PDZRN4: variants seen among roughly 807,000 people sequenced by gnomAD.
PDZRN4 encodes the protein PDZ domain containing ring finger 4, also known as PDZ domain-containing RING finger protein 4.
In PDZRN4, 70 loss-of-function variants were observed where a neutral mutation model predicts 99.0. The observed-to-expected ratio is 0.71, with a 90% CI of 0.58 to 0.86. The LOEUF is 0.86. Ranked by LOEUF, PDZRN4 falls within the 40% of genes least tolerant of loss-of-function variation. PDZRN4 has a pLI of 0.00. For missense variants in PDZRN4, 1,474 were observed against 1,331.2 expected (o/e 1.11, Z -1.67); for synonymous variants, 551 against 501.6 (o/e 1.10, Z -1.32).
chr12:41,388,121 G>C (rs1056019486), intron 3 of PDZRN4, among the ~76,000 whole-genome samples: 1 of 152,102 alleles, frequency 6.6e-6, no homozygotes, highest in African/African-American at 2.4e-5. Flanking sequence ...TCCTTTGCAG[G>C]GATATGGGTG....
Position 41,550,643 on chromosome 12 carries a change from G to A in PDZRN4, c.1204-2013G>A, listed in dbSNP as rs116993624. 1.7e-3 allele frequency among the ~76,000 whole-genome samples: 252 copies of A among 152,154 alleles called. 3 individuals are homozygous for A. The South Asian group carries it at 0.034, about 21-fold the overall frequency. Reference sequence around the variant, plus strand: ...GCAGCCTACACTATAACCTTCTTAAGCACTATAATATAGAGTATCTTTGTC... The same window carrying A: ...GCAGCCTACACTATAACCTTCTTAAACACTATAATATAGAGTATCTTTGTC... On this transcript the variant is annotated intron_variant, in intron 5 of 9. Transcript: ENST00000402685.
chr12:41,389,315 C>A (rs1952193261), intron 3 of PDZRN4, among the ~76,000 whole-genome samples: 2 of 152,012 alleles, frequency 1.3e-5, no homozygotes, highest in Admixed American at 6.6e-5. Flanking sequence ...AAAAACACAT[C>A]CTGTTTTATC....
At chr12:41,270,273 TGTCTGTGTGTGTG>T (rs1427996584) in intron 3 of PDZRN4, among the ~76,000 whole-genome samples, 1 of 129,352 alleles carries the variant, frequency 7.7e-6, no homozygotes, top group Non-Finnish European at 1.7e-5. Flanking sequence ...TGTGTGTGTG[TGTCTGTGTGTGTG>T]GTGTGTGTGT....
At chr12:41,504,768 T>A (rs2120669404) in intron 3 of PDZRN4, among the ~76,000 whole-genome samples, 1 of 152,152 alleles carries the variant, frequency 6.6e-6, no homozygotes, top group African/African-American at 2.4e-5. Context: ...GAAAACTCAG[T>A]GATAATTTTT....
At chr12:41,251,579 G>C (rs564302207) in intron 3 of PDZRN4, among the ~76,000 whole-genome samples, 1 of 152,234 alleles carries the variant, frequency 6.6e-6, no homozygotes, top group Non-Finnish European at 1.5e-5. Flanking sequence ...GTTCAGACAT[G>C]TTATAAAAAG....
At chr12:41,360,998 G>A (rs1017054954) in intron 3 of PDZRN4, among the ~76,000 whole-genome samples, 1 of 151,044 alleles carries the variant, frequency 6.6e-6, no homozygotes. Flanking sequence ...ACATACACAT[G>A]TACATACATG....
intron 3 of PDZRN4, among the ~76,000 whole-genome samples, chr12:41,215,851 GT>G (rs11417657): frequency 3.2e-4 from 47 of 148,868 alleles, no homozygotes; most frequent in Non-Finnish European, 4.2e-4. Context: ...AGCCTCCATA[GT>G]TTTTTTTTTT....
At chr12:41,213,130 G>T (rs1566364717) in intron 3 of PDZRN4, among the ~76,000 whole-genome samples, 1 of 151,912 alleles carries the variant, frequency 6.6e-6, no homozygotes, top group African/African-American at 2.4e-5. Flanking sequence ...TTTATAAATC[G>T]GGTTTTCTTT....
intron 8 of PDZRN4, among the ~76,000 whole-genome samples, chr12:41,567,361 G>T (rs1939392030): frequency 6.6e-6 from 1 of 152,134 alleles, no homozygotes; most frequent in Non-Finnish European, 1.5e-5. Context: ...GGGGAACTTT[G>T]TGTGCAGTCT....
chr12:41,343,943 A>T (rs1030180565), intron 3 of PDZRN4, among the ~76,000 whole-genome samples: 4 of 152,216 alleles, frequency 2.6e-5, no homozygotes, highest in African/African-American at 9.6e-5. Flanking sequence ...TGGCAGTCTT[A>T]TGGTATATTA....
At chr12:41,334,091 C>T (rs1332413541) in intron 3 of PDZRN4, among the ~76,000 whole-genome samples, 2 of 152,094 alleles carry the variant, frequency 1.3e-5, no homozygotes, top group Admixed American at 1.3e-4. Flanking sequence ...ATGCACGCCT[C>T]TTGGGCAAAG....
At chr12:41,281,820 C>T (rs1469391436) in intron 3 of PDZRN4, among the ~76,000 whole-genome samples, 1 of 151,268 alleles carries the variant, frequency 6.6e-6, no homozygotes, top group East Asian at 1.9e-4. Context: ...GCCTGATTGC[C>T]CTGAGGGATT....
intron 3 of PDZRN4, among the ~76,000 whole-genome samples, chr12:41,378,431 T>C (rs181226694): frequency 6.6e-6 from 1 of 152,252 alleles, no homozygotes; most frequent in Non-Finnish European, 1.5e-5. Flanking sequence ...GCTGGTAATT[T>C]TCTTTTCTTG....
Position 41,421,269 on chromosome 12 carries a change from G to A in PDZRN4, c.844-85187G>A, listed in dbSNP as rs180708998. ...CCAGGAGTGCAATGGCATGATCTCA[G>A]CTCACTGCAACCTCTGTCTCCCAGG... is the stretch of plus-strand genomic sequence containing the variant. On this transcript the variant is annotated intron_variant, in intron 3 of 9. Transcript: ENST00000402685. Among the ~76,000 whole-genome samples the A allele has an allele frequency of 1.7e-3, 263 of 152,150 alleles. 2 individuals carry two copies. The highest frequency in any genetic ancestry group is 6.0e-3 in the African/African-American group (250 of 41,510).
chr12:41,509,769 C>T (rs1289762993), intron 4 of PDZRN4, 42 bp from the exon 5 acceptor site: 1 of 896,644 alleles, frequency 1.1e-6, no homozygotes, highest in Non-Finnish European at 1.8e-6. Context: ...TGGAAAACAA[C>T]CCATTTAATC....
At chr12:41,301,151 T>C (rs931078477) in intron 3 of PDZRN4, among the ~76,000 whole-genome samples, 1 of 152,044 alleles carries the variant, frequency 6.6e-6, no homozygotes, top group African/African-American at 2.4e-5. Flanking sequence ...CTTTAGGTTA[T>C]TGTGAATATT....
intron 3 of PDZRN4, among the ~76,000 whole-genome samples, chr12:41,479,299 T>A (rs1052121994): frequency 6.6e-6 from 1 of 152,204 alleles, no homozygotes; most frequent in Non-Finnish European, 1.5e-5. Flanking sequence ...GATGACACAG[T>A]ATTTTTTCTT....
chr12:41,411,854 G>C (rs1952402411), intron 3 of PDZRN4: 1 of 152,128 alleles, frequency 6.6e-6, no homozygotes, highest in Non-Finnish European at 1.5e-5. Flanking sequence ...CTTCCAGGTA[G>C]TTATAGCTAA....
intron 3 of PDZRN4, among the ~76,000 whole-genome samples, chr12:41,400,069 C>T (rs771034935): frequency 1.4e-4 from 21 of 152,120 alleles, no homozygotes. Context: ...AGGGATATTG[C>T]AGCAGCCTTC....
Sources: allele counts gnomAD v4.1 joint callset (sites outside exome capture counted in the v4.1 genomes callset), GRCh38; gene constraint gnomAD v4.1.1; transcripts MANE v1.5; gene names NCBI Gene and HGNC (gene_info 2026-07-23, HGNC 2026-07-21).